Variants in PDE7B observed in about 807,000 individuals in gnomAD.
PDE7B encodes the protein phosphodiesterase 7B.
Under a neutral mutation model 56.2 loss-of-function variants are expected in PDE7B, and 29 were observed. The observed-to-expected ratio is 0.52, with a 90% CI of 0.38 to 0.70. The LOEUF is 0.70. PDE7B is among the 30% of genes least tolerant of loss of function. PDE7B has a pLI of 0.00. For missense variants in PDE7B, 490 were observed against 565.0 expected (o/e 0.87, Z 1.35); for synonymous variants, 197 against 196.9 (o/e 1.00, Z 0.00).
At chr6:135,935,186 T>TTTTATATATATATATTTATATTTA (rs1404954510) in intron 1 of PDE7B, among the ~76,000 whole-genome samples, 1 of 38,448 alleles carries the variant, frequency 2.6e-5, no homozygotes, top group African/African-American at 1.5e-4. Flanking sequence ...ATATATATAT[T>TTTTATATATATATATTTATATTTA]TATTTATATA....
chr6:136,017,510 G>A (rs1224426120), intron 2 of PDE7B, among the ~76,000 whole-genome samples: 1 of 112,536 alleles, frequency 8.9e-6, no homozygotes, highest in East Asian at 2.4e-4. Context: ...CCCACGACAG[G>A]CCCCGGTGTG....
Position 136,192,208 on chromosome 6 carries a change from G to A in PDE7B, c.*368G>A, listed in dbSNP as rs1779242182. ...ATTCCTAAGTCCGGAGCGTTTGAGC[G>A]TTTGCTATCTGACTGCTGATCTGCG... On this transcript the variant is annotated 3_prime_UTR_variant, in exon 13 of 13. Transcript: ENST00000308191. 1.2e-5 allele frequency: 3 copies of A among 249,692 alleles called. No individual in the cohort carries two copies. Among genetic ancestry groups the A allele is most frequent in the African/African-American group, 2.2e-5 (1 of 44,752 alleles). 15.5% of individuals were successfully genotyped at this position (249,692 alleles called of 1,614,324 possible). A position where few individuals can be genotyped will look rare whatever the true frequency, so the allele number is the denominator to read the frequency against.
At chr6:136,002,749 A>G (rs1381966083) in intron 2 of PDE7B, among the ~76,000 whole-genome samples, 2 of 152,192 alleles carry the variant, frequency 1.3e-5, no homozygotes, top group African/African-American at 2.4e-5. Context: ...CAAATTAATA[A>G]TGGGAGACTT....
intron 2 of PDE7B, among the ~76,000 whole-genome samples, chr6:136,050,882 TCC>T (rs1776610851): frequency 6.6e-6 from 1 of 152,136 alleles, no homozygotes; most frequent in South Asian, 2.1e-4. Flanking sequence ...TCCTCCTTTA[TCC>T]TCTGAAACTT....
chr6:136,191,533 G>C, intron 12 of PDE7B, 81 bp from the exon 13 acceptor site: 1 of 1,171,772 alleles, frequency 8.5e-7, no homozygotes, highest in Non-Finnish European at 1.2e-6. Flanking sequence ...CGGGCGTGGT[G>C]GGTCCCCAGT....
intron 1 of PDE7B, among the ~76,000 whole-genome samples, chr6:135,866,819 A>G (rs868405929): frequency 7.2e-5 from 11 of 152,216 alleles, no homozygotes; most frequent in African/African-American, 1.7e-4. Flanking sequence ...GACACTAGCC[A>G]TGTCCTGTGG....
At chr6:135,928,518 T>C (rs1340634248) in intron 1 of PDE7B, among the ~76,000 whole-genome samples, 3 of 133,140 alleles carry the variant, frequency 2.3e-5, no homozygotes, top group African/African-American at 5.5e-5. Flanking sequence ...TATATATTTA[T>C]TTATATATAT....
At chr6:135,883,507 C>T (rs768466120) in intron 1 of PDE7B, among the ~76,000 whole-genome samples, 14 of 152,094 alleles carry the variant, frequency 9.2e-5, no homozygotes, top group Non-Finnish European at 8.8e-5. Flanking sequence ...CTGCAAAATC[C>T]GATGATGTTT....
Position 136,116,700 on chromosome 6 carries a change from A to ATG in PDE7B, c.166+7888_166+7889dup, listed in dbSNP as rs1415259089. On this transcript the variant is annotated intron_variant, in intron 3 of 12. Coordinates refer to ENST00000308191, the MANE Select transcript of PDE7B (RefSeq NM_018945.4). ...GAGTTTGCAGGAGAATCGAGTGGAA[A>ATG]TGTCCGGAAGAAAGCTAGAAATAAT... 2.0e-5 allele frequency among the ~76,000 whole-genome samples: 3 copies of ATG among 152,230 alleles called. No individual in the cohort carries two copies. The East Asian group carries it at 5.8e-4, about 29-fold the overall frequency.
chr6:136,038,260 CACT>C (rs1476222693), intron 2 of PDE7B: 4 of 1,299,606 alleles, frequency 3.1e-6, no homozygotes, highest in East Asian at 5.3e-5. Flanking sequence ...CCACCACCAC[CACT>C]ACCTCCTCTT....
At position 135,858,883 on chromosome 6, in the gene PDE7B, C is replaced by T. The variant is rs181694477; in HGVS notation, c.21+6864C>T. Among the ~76,000 whole-genome samples, 158 of 151,862 alleles carry T rather than the reference C, an allele frequency of 1.0e-3. 1 individual carries two copies. The highest frequency in any genetic ancestry group is 3.5e-3 in the African/African-American group (146 of 41,398). On this transcript the variant is annotated intron_variant, in intron 1 of 12. Transcript: ENST00000308191. ...ATGCAAAATTAGTATTTATTCAAAC[C>T]GTGTTTAAGGAAATCACATATCATA...
chr6:135,852,806 G>T (rs2128182941), intron 1 of PDE7B, among the ~76,000 whole-genome samples: 1 of 152,302 alleles, frequency 6.6e-6, no homozygotes, highest in African/African-American at 2.4e-5. Flanking sequence ...TTAAGTGATT[G>T]AGCCTGGGGA....
chr6:135,881,213 A>G (rs1775603704), intron 1 of PDE7B, among the ~76,000 whole-genome samples: 1 of 152,020 alleles, frequency 6.6e-6, no homozygotes, highest in Non-Finnish European at 1.5e-5. Context: ...AGAAACAGTA[A>G]GGGGCCAGGC....
chr6:135,878,109 G>A (rs1264388916), intron 1 of PDE7B, among the ~76,000 whole-genome samples: 1 of 152,178 alleles, frequency 6.6e-6, no homozygotes, highest in East Asian at 1.9e-4. Context: ...AAGGGGTATG[G>A]ACAGAGAACT....
chr6:136,104,754 C>G (rs546300817), intron 2 of PDE7B, among the ~76,000 whole-genome samples: 2 of 152,272 alleles, frequency 1.3e-5, no homozygotes, highest in Admixed American at 6.5e-5. Context: ...AGCATACTTA[C>G]AATTGTCCTG....
At chr6:135,985,680 T>C (rs182371975) in intron 2 of PDE7B, among the ~76,000 whole-genome samples, 1 of 152,346 alleles carries the variant, frequency 6.6e-6, no homozygotes. Context: ...TTCTGTCCTT[T>C]AGAAGGATTT....
At position 135,873,262 on chromosome 6, in the gene PDE7B, C is replaced by G. The variant is rs545617336; in HGVS notation, c.21+21243C>G. 3.9e-5 allele frequency among the ~76,000 whole-genome samples: 6 copies of G among 152,266 alleles called. No individual in the cohort carries two copies. In the East Asian group the frequency reaches 1.2e-3, roughly 29 times the overall value. On this transcript the variant is annotated intron_variant, in intron 1 of 12. Transcript: ENST00000308191. ...CACACCTGAATTTCTAAACCATTCA[C>G]AAACACAAAATGACATGACAGACAC...
chr6:136,130,496 C>T (rs1778099088), intron 3 of PDE7B, among the ~76,000 whole-genome samples: 2 of 152,188 alleles, frequency 1.3e-5, no homozygotes, highest in African/African-American at 4.8e-5. Context: ...GAGCAGAGCA[C>T]CCGCTAGACA....
At chr6:135,908,262 A>T (rs887453036) in intron 1 of PDE7B, among the ~76,000 whole-genome samples, 11 of 148,080 alleles carry the variant, frequency 7.4e-5, no homozygotes, top group African/African-American at 2.7e-4. Flanking sequence ...CTAATTTTGT[A>T]TTTTTTTTTT....
Sources: allele counts gnomAD v4.1 joint callset (sites outside exome capture counted in the v4.1 genomes callset), GRCh38; gene constraint gnomAD v4.1.1; transcripts MANE v1.5; gene names NCBI Gene and HGNC (gene_info 2026-07-23, HGNC 2026-07-21).